LIPA: variants seen among roughly 807,000 people sequenced by gnomAD.
LIPA encodes the protein lipase A, lysosomal acid type.
A neutral mutation model predicts 40.6 loss-of-function variants in LIPA; 26 were observed. That is an observed-to-expected ratio of 0.64 (90% CI 0.47 to 0.89). The LOEUF (loss-of-function observed/expected upper bound fraction) is 0.89. LIPA is among the 40% of genes least tolerant of loss of function. The pLI, the probability that LIPA is intolerant of heterozygous loss-of-function variation, is 0.00. For synonymous variants in LIPA, 188 were observed against 168.4 expected (o/e 1.12, Z -0.90); for missense variants, 455 against 479.6 (o/e 0.95, Z 0.48).
chr10:89,301,880 A>G, intron 1 of LIPA: 2 of 406,738 alleles, frequency 4.9e-6, no homozygotes, highest in Non-Finnish European at 9.1e-6. Flanking sequence ...TCAGCTCCGG[A>G]GGAAAAAGAG....
chr10:89,389,734 T>C (rs1241119581), intron 2 of LIPA, among the ~76,000 whole-genome samples: 1 of 152,172 alleles, frequency 6.6e-6, no homozygotes, highest in African/African-American at 2.4e-5. Context: ...TTTTTCCATA[T>C]CATCCTGTGA....
chr10:89,313,452 A>G (rs890044753), intron 1 of LIPA, among the ~76,000 whole-genome samples: 5 of 152,246 alleles, frequency 3.3e-5, no homozygotes, highest in Non-Finnish European at 5.9e-5. Flanking sequence ...TTAATGTAAA[A>G]TGGTGCAGCC....
chr10:89,386,972 TGAGAGA>T lies in LIPA; in HGVS notation c.61+25813_61+25818del, dbSNP rs59096550. Among the ~76,000 whole-genome samples, 13 of 99,254 alleles carry T rather than the reference TGAGAGA, an allele frequency of 1.3e-4. 1 individual carries two copies. In the South Asian group the frequency reaches 1.5e-3, roughly 11 times the overall value. The allele number at this position is 99,254 out of a possible 152,430, so 65.1% of individuals were successfully genotyped here. ...GTGTGTGTGTGTGTGTGTGTGTGTG[TGAGAGA>T]GAGAGAGAGTGTGTGTGTGTTTGGA... On this transcript the variant is annotated intron_variant, in intron 2 of 8. Coordinates refer to the LIPA transcript ENST00000371837.
intron 4 of LIPA, 38 bp downstream of exon 4, chr10:89,228,161 TA>T: frequency 9.6e-6 from 15 of 1,559,752 alleles, no homozygotes; most frequent in Non-Finnish European, 1.2e-5. Flanking sequence ...TTAAGAGTAC[TA>T]AGGAAATACA....
At chr10:89,315,371 C>T (rs757012205) in intron 1 of LIPA, among the ~76,000 whole-genome samples, 9 of 152,138 alleles carry the variant, frequency 5.9e-5, no homozygotes, top group Admixed American at 3.3e-4. Flanking sequence ...CTATAACAAC[C>T]TCTGAACTCG....
intron 1 of LIPA, among the ~76,000 whole-genome samples, chr10:89,413,778 AAAAACC>A (rs1261225294): frequency 1.3e-5 from 2 of 148,866 alleles, no homozygotes; most frequent in East Asian, 5.0e-4. Flanking sequence ...AAAAAAAAAA[AAAAACC>A]AAAATCAATG....
chr10:89,328,069 C>A (rs762507604), intron 1 of LIPA: 51 of 1,613,742 alleles, frequency 3.2e-5, no homozygotes, highest in Non-Finnish European at 4.2e-5. Flanking sequence ...ACACAGAGGG[C>A]AGTCATGAGG....
chr10:89,315,244 C>A (rs1843535587), intron 1 of LIPA, among the ~76,000 whole-genome samples: 1 of 152,186 alleles, frequency 6.6e-6, no homozygotes, highest in Non-Finnish European at 1.5e-5. Flanking sequence ...TATGATATCA[C>A]AAATATATGT....
At chr10:89,414,099 T>G (rs1405014343) in intron 1 of LIPA, among the ~76,000 whole-genome samples, 1 of 152,082 alleles carries the variant, frequency 6.6e-6, no homozygotes, top group Non-Finnish European at 1.5e-5. Flanking sequence ...TGGGTAAGAG[T>G]GGATTTTTAA....
At chr10:89,254,220 C>A (rs1284319484), upstream of LIPA, among the ~76,000 whole-genome samples, 2 of 152,186 alleles carry the variant, frequency 1.3e-5, no homozygotes, top group East Asian at 3.9e-4. Flanking sequence ...CCTTGAGGGC[C>A]CCACCCCTGC....
At chr10:89,277,658 G>A (rs923726827) in intron 1 of LIPA, among the ~76,000 whole-genome samples, 2 of 152,162 alleles carry the variant, frequency 1.3e-5, no homozygotes, top group South Asian at 4.1e-4. Flanking sequence ...AACAACCACT[G>A]AAAAATTATT....
intron 1 of LIPA, among the ~76,000 whole-genome samples, chr10:89,326,701 T>C (rs1172528874): frequency 1.3e-5 from 2 of 152,162 alleles, no homozygotes; most frequent in Non-Finnish European, 2.9e-5. Context: ...AATATATATA[T>C]CTACTATGTG....
chr10:89,308,198 G>A (rs1843495154), intron 1 of LIPA: 1 of 152,134 alleles, frequency 6.6e-6, no homozygotes, highest in Non-Finnish European at 1.5e-5. Flanking sequence ...AAAAATAAAT[G>A]TTCCACCAGT....
intron 1 of LIPA, chr10:89,307,368 G>A: frequency 6.3e-7 from 1 of 1,597,504 alleles, no homozygotes; most frequent in Non-Finnish European, 8.6e-7. Flanking sequence ...AGCTGGAATG[G>A]GGAATGAAGA....
At chr10:89,402,563 G>A (rs1844446506) in intron 2 of LIPA, 2 of 1,614,008 alleles carry the variant, frequency 1.2e-6, no homozygotes, top group African/African-American at 1.3e-5. Context: ...GGAGTCTGGT[G>A]ACCTGGGGCA....
chr10:89,384,586 T>C, intron 2 of LIPA: 1 of 1,614,142 alleles, frequency 6.2e-7, no homozygotes, highest in Non-Finnish European at 8.5e-7. Context: ...TTTAGAGAAA[T>C]TGGCTAAAAG....
chr10:89,228,478 T>A, intron 3 of LIPA, 80 bp from the exon 4 acceptor site: 1 of 1,162,524 alleles, frequency 8.6e-7, no homozygotes, highest in Non-Finnish European at 1.3e-6. Context: ...AGAACATTCG[T>A]AAAAGATCCA....
chr10:89,312,941 G>T (rs1226909262), intron 1 of LIPA, among the ~76,000 whole-genome samples: 1 of 152,104 alleles, frequency 6.6e-6, no homozygotes, highest in Non-Finnish European at 1.5e-5. Context: ...AGACATGGGA[G>T]GAGGGAGAAA....
intron 2 of LIPA, among the ~76,000 whole-genome samples, chr10:89,396,202 T>C (rs1293284356): frequency 6.6e-6 from 1 of 152,230 alleles, no homozygotes; most frequent in East Asian, 1.9e-4. Context: ...AGCTGCATCA[T>C]TTTACATTCC....
Sources: gnomAD v4.1 joint callset for allele counts (sites outside exome capture counted in the v4.1 genomes callset) on GRCh38, gnomAD v4.1.1 for gene constraint, MANE v1.5 for transcripts, NCBI Gene and HGNC (gene_info 2026-07-23, HGNC 2026-07-21) for gene names.